The following RALGAPB variants were observed in gnomAD, a reference collection of about 807,000 sequenced individuals.
The protein encoded by RALGAPB is Ral GTPase activating protein non-catalytic subunit beta.
RALGAPB carries 25 observed loss-of-function variants against 161.1 expected under a neutral mutation model. That is an observed-to-expected ratio of 0.16 (90% confidence interval 0.11 to 0.22). The LOEUF is 0.22. RALGAPB is among the 10% of genes least tolerant of loss of function. The probability of loss-of-function intolerance (pLI) is 1.00; values close to 1 mark genes in which losing one functional copy is unlikely to be tolerated. For synonymous variants in RALGAPB, 629 were observed against 626.1 expected (o/e 1.00, Z -0.07); for missense variants, 1,391 against 1,815.2 (o/e 0.77, Z 4.25).
chr20:38,483,623 A>G (rs372269455), intron 1 of RALGAPB, among the ~76,000 whole-genome samples: 1 of 152,202 alleles, frequency 6.6e-6, no homozygotes, highest in South Asian at 2.1e-4. Context: ...AGGAAATGAC[A>G]TATCAGCCTG....
At position 38,497,514 on chromosome 20, in the gene RALGAPB, A is replaced by T; in HGVS notation, c.551A>T (p.Gln184Leu). Residue 184 changes from glutamine to leucine, a missense_variant and splice_region_variant, in exon 4 of 30, where the codon CAA (glutamine) becomes CTA (leucine). By Grantham distance (113) the Gln-to-Leu change is moderately radical (BLOSUM62 -2). Coordinates refer to ENST00000262879, the MANE Select transcript of RALGAPB (RefSeq NM_020336.4). ...ATACTTCTGGCCCCACCAACTGTTCAAGGTTTGTTTATTTTTTTTTTTCTA... is the reference window on the plus strand; with the variant it reads ...ATACTTCTGGCCCCACCAACTGTTCTAGGTTTGTTTATTTTTTTTTTTCTA... ...NDILLAPPTV[Q>L]GGIAENLAEK... 1 of 1,593,974 alleles carries T rather than the reference A, an allele frequency of 6.3e-7. No individual in the cohort carries two copies.
chr20:38,510,866 C>T (rs1017781583), intron 6 of RALGAPB, among the ~76,000 whole-genome samples: 5 of 119,138 alleles, frequency 4.2e-5, no homozygotes, highest in East Asian at 2.0e-4. Context: ...GCCGAGATTG[C>T]GCCACTGCAC....
chr20:38,534,697 C>CT (rs893990865), intron 15 of RALGAPB, among the ~76,000 whole-genome samples: 2 of 152,200 alleles, frequency 1.3e-5, no homozygotes, highest in African/African-American at 4.8e-5. Flanking sequence ...AAAATTAGAA[C>CT]TTTCCTCTGT....
At chr20:38,485,966 C>CTTTTTTTTTT (rs11481893) in intron 1 of RALGAPB, among the ~76,000 whole-genome samples, 6 of 90,712 alleles carry the variant, frequency 6.6e-5, no homozygotes, top group Non-Finnish European at 1.2e-4. Flanking sequence ...CTTTCTATAT[C>CTTTTTTTTTT]TTTTTTTTTT....
chr20:38,481,011 C>T (rs2084951740), intron 1 of RALGAPB, among the ~76,000 whole-genome samples: 1 of 152,258 alleles, frequency 6.6e-6, no homozygotes, highest in East Asian at 1.9e-4. Context: ...GCTGGGATTA[C>T]AGGCGTGACC....
Position 38,488,481 on chromosome 20 carries a change from G to A in RALGAPB, c.49G>A (p.Gly17Ser). ...GCATTTGGTGATTCAGAATGATCAA[G>A]GCCATACCAGTGTGCTGCACAGCTA... ...SLHLVIQNDQ[G>S]HTSVLHSYPE... The change falls in exon 2 of 30, where the codon GGC (glycine) becomes AGC (serine). Residue 17 changes from glycine to serine, a missense_variant. Gly to Ser is a moderately conservative substitution (Grantham distance 56). Coordinates refer to ENST00000262879, the MANE Select transcript of RALGAPB (RefSeq NM_020336.4). 1 of 1,614,200 alleles carries A rather than the reference G, an allele frequency of 6.2e-7. No individual in the cohort carries two copies. The highest frequency in any genetic ancestry group is 8.5e-7 in the Non-Finnish European group (1 of 1,180,030).
Position 38,574,847 on chromosome 20 carries a change from C to G in RALGAPB, c.4365C>G (p.Pro1455=). 1 of 1,613,732 alleles carries G rather than the reference C, an allele frequency of 6.2e-7. No homozygotes were observed. The highest frequency in any genetic ancestry group is 1.1e-5 in the South Asian group (1 of 91,086). ...KRLESDSYSP[P]HVRRKQKITD... is the part of the protein sequence containing the mutation. ...TGGAAAGTGACTCCTACAGTCCCCC[C>G]CATGTCCGCCGGAAACAGAAAATCA... The change falls in exon 30 of 30, where the codon CCC becomes CCG. Residue 1455 remains proline, a synonymous_variant. Transcript: ENST00000262879.
At chr20:38,529,561 G>C (rs893909323) in intron 13 of RALGAPB, among the ~76,000 whole-genome samples, 2 of 150,938 alleles carry the variant, frequency 1.3e-5, no homozygotes, top group African/African-American at 2.4e-5. Context: ...GCTTGGGCGT[G>C]GTGGCTCATG....
chr20:38,499,072 G>A (rs1341464186), intron 4 of RALGAPB, among the ~76,000 whole-genome samples: 1 of 152,126 alleles, frequency 6.6e-6, no homozygotes, highest in East Asian at 1.9e-4. Context: ...TTAATGTGAG[G>A]ATTATATGAG....
chr20:38,525,803 A>G, intron 12 of RALGAPB, 92 bp from the exon 13 acceptor site: 1 of 1,328,550 alleles, frequency 7.5e-7, no homozygotes. Flanking sequence ...AGCCTTTCTC[A>G]TTATACTGAT....
intron 24 of RALGAPB, among the ~76,000 whole-genome samples, chr20:38,563,528 G>GC (rs1197636973): frequency 4.6e-5 from 7 of 152,188 alleles, no homozygotes; most frequent in African/African-American, 1.4e-4. Flanking sequence ...AAGTAGCAGA[G>GC]CAAGTATAAA....
chr20:38,508,234 A>G (rs916184509), intron 5 of RALGAPB, among the ~76,000 whole-genome samples: 5 of 152,076 alleles, frequency 3.3e-5, no homozygotes, highest in African/African-American at 1.2e-4. Flanking sequence ...TTTAAAAACT[A>G]AGATCACTGA....
Position 38,503,159 on chromosome 20 carries a change from TA to T in RALGAPB, c.740+3527del, listed in dbSNP as rs368291443. On this transcript the variant is annotated intron_variant, in intron 5 of 29. Coordinates refer to ENST00000262879, the MANE Select transcript of RALGAPB (RefSeq NM_020336.4). Reference sequence around the variant, plus strand: ...TAATAACATTTTATTTAGCTTTCTTTATTGTAAGAATACCATATATAATACA... The same window carrying T: ...TAATAACATTTTATTTAGCTTTCTTTTTGTAAGAATACCATATATAATACA... Among the ~76,000 whole-genome samples the T allele has an allele frequency of 7.2e-5, 11 of 152,370 alleles. No individual in the cohort carries two copies. In the East Asian group the frequency reaches 2.1e-3, roughly 29 times the overall value.
At chr20:38,512,795 T>C (rs1049047626) in intron 6 of RALGAPB, among the ~76,000 whole-genome samples, 9 of 152,226 alleles carry the variant, frequency 5.9e-5, no homozygotes, top group African/African-American at 1.9e-4. Context: ...AGTCTCGCTC[T>C]GTCACCCAGG....
chr20:38,482,430 T>C (rs936060708), intron 1 of RALGAPB, among the ~76,000 whole-genome samples: 3 of 147,162 alleles, frequency 2.0e-5, no homozygotes, highest in African/African-American at 7.4e-5. Context: ...GTTTATCTTT[T>C]TTTTTTTTTT....
chr20:38,568,486 A>G (rs1179728879), intron 26 of RALGAPB: 1 of 152,216 alleles, frequency 6.6e-6, no homozygotes, highest in Non-Finnish European at 1.5e-5. Flanking sequence ...CAAGGCAAGG[A>G]TGCCTGTTCT....
intron 16 of RALGAPB, among the ~76,000 whole-genome samples, chr20:38,536,731 C>A (rs780475584): frequency 4.6e-5 from 7 of 152,264 alleles, no homozygotes; most frequent in Non-Finnish European, 1.0e-4. Flanking sequence ...TAACCAGGTG[C>A]TACTGTCTGG....
At chr20:38,518,367 G>C (rs1425806418) in intron 9 of RALGAPB, among the ~76,000 whole-genome samples, 4 of 152,188 alleles carry the variant, frequency 2.6e-5, no homozygotes, top group Admixed American at 2.6e-4. Context: ...TTTACAAGAA[G>C]TGTTTTCGAT....
intron 5 of RALGAPB, among the ~76,000 whole-genome samples, chr20:38,500,244 T>G (rs2085541716): frequency 2.0e-5 from 3 of 152,192 alleles, no homozygotes; most frequent in South Asian, 4.2e-4. Flanking sequence ...ATACCATGTT[T>G]TTTTTTTTTT....
Sources: allele counts gnomAD v4.1 joint callset (sites outside exome capture counted in the v4.1 genomes callset), GRCh38; gene constraint gnomAD v4.1.1; transcripts MANE v1.5; gene names NCBI Gene and HGNC (gene_info 2026-07-23, HGNC 2026-07-21).